The following WDFY4 variants were observed in gnomAD, a reference collection of about 807,000 sequenced individuals.
WDFY4 encodes WDFY family member 4.
WDFY4 carries 169 observed loss-of-function variants against 351.9 expected under a neutral mutation model. The ratio of observed to expected loss-of-function variants is 0.48; its 90% CI spans 0.42 to 0.55. The LOEUF (loss-of-function observed/expected upper bound fraction) is 0.55. Ranked by LOEUF, WDFY4 falls within the 20% of genes least tolerant of loss-of-function variation. The pLI is 0.00. For synonymous variants in WDFY4, 1,622 were observed against 1,574.6 expected (o/e 1.03, Z -0.71); for missense variants, 3,803 against 3,935.6 (o/e 0.97, Z 0.90).
chr10:48,803,576 C>T (rs2067154970), intron 25 of WDFY4, among the ~76,000 whole-genome samples: 1 of 152,146 alleles, frequency 6.6e-6, no homozygotes. Context: ...GCCTCTCTAG[C>T]CCCAGGGACT....
At chr10:48,857,549 G>T (rs1345290113) in intron 39 of WDFY4, among the ~76,000 whole-genome samples, 3 of 151,868 alleles carry the variant, frequency 2.0e-5, no homozygotes, top group African/African-American at 4.8e-5. Context: ...CCTCTGGAAA[G>T]GTCTCAGGAA....
chr10:48,927,351 A>T (rs1466353534), intron 47 of WDFY4, among the ~76,000 whole-genome samples: 2 of 152,110 alleles, frequency 1.3e-5, no homozygotes, highest in African/African-American at 2.4e-5. Context: ...TTGTGGTAGG[A>T]ATATCCCTCC....
intron 20 of WDFY4, among the ~76,000 whole-genome samples, chr10:48,787,739 A>T (rs571643770): frequency 6.6e-6 from 1 of 152,028 alleles, no homozygotes; most frequent in South Asian, 2.1e-4. Flanking sequence ...TTTCATGGTA[A>T]GACAAATCTT....
intron 39 of WDFY4, among the ~76,000 whole-genome samples, chr10:48,837,133 C>T (rs1363854803): frequency 6.6e-6 from 1 of 151,888 alleles, no homozygotes; most frequent in African/African-American, 2.4e-5. Context: ...GTGTCATCAT[C>T]TGTTTATATA....
intron 25 of WDFY4, among the ~76,000 whole-genome samples, chr10:48,804,994 G>C (rs2067204706): frequency 6.6e-6 from 1 of 151,754 alleles, no homozygotes; most frequent in Non-Finnish European, 1.5e-5. Flanking sequence ...CTGGGGCTCA[G>C]AATTTAAAAG....
At chr10:48,772,404 C>A (rs1415682315) in intron 13 of WDFY4, among the ~76,000 whole-genome samples, 2 of 150,764 alleles carry the variant, frequency 1.3e-5, no homozygotes, top group Non-Finnish European at 2.9e-5. Context: ...TGTATGGACG[C>A]GTGTGCGTGT....
chr10:48,766,935 G>A (rs1330691775), intron 13 of WDFY4, among the ~76,000 whole-genome samples: 1 of 152,218 alleles, frequency 6.6e-6, no homozygotes, highest in Non-Finnish European at 1.5e-5. Context: ...CCAAAGGAGA[G>A]CACTTGCTCT....
chr10:48,826,964 G>T, intron 36 of WDFY4, 55 bp downstream of exon 36: 1 of 1,428,204 alleles, frequency 7.0e-7, no homozygotes, highest in South Asian at 1.2e-5. Context: ...AGAAAGGAGA[G>T]ATTTAGAGGA....
chr10:48,856,684 G>A (rs1199268745), intron 39 of WDFY4, among the ~76,000 whole-genome samples: 3 of 152,162 alleles, frequency 2.0e-5, no homozygotes, highest in Non-Finnish European at 4.4e-5. Flanking sequence ...ACGTTAAAAT[G>A]TGTTGATCTA....
chr10:48,743,538 C>G lies in WDFY4; in HGVS notation c.2449C>G (p.Leu817Val), dbSNP rs1008002494. ...PQRNFKQWPDLEERMDEGDAA... is the reference protein window; with the variant it reads ...PQRNFKQWPDVEERMDEGDAA... ...ACGCAACTTCAAGCAGTGGCCAGAC[C>G]TGGAGGAGAGGTAGCTTCTTCTGCC... Residue 817 changes from leucine (L) to valine (V), a missense_variant, in exon 12 of 62, where the codon CTG becomes GTG. By Grantham distance (32) the Leu-to-Val change is conservative. Around this residue, in one of 3 missense-constraint regions of WDFY4, gnomAD observed 3,054 missense variants for 3,148.6 expected, o/e 0.97. Coordinates refer to ENST00000325239, the MANE Select transcript of WDFY4 (RefSeq NM_001394531.1). 9 of 1,532,750 alleles carry G rather than the reference C, an allele frequency of 5.9e-6. No individual in the cohort carries two copies. In the African/African-American group the frequency reaches 1.2e-4, roughly 21 times the overall value. 94.9% of individuals were successfully genotyped at this position (1,532,750 alleles called of 1,614,324 possible). A position where few individuals can be genotyped will look rare whatever the true frequency, so the allele number is the denominator to read the frequency against.
intron 60 of WDFY4, 25 bp downstream of exon 60, chr10:48,978,418 C>T (rs1310032432): frequency 6.5e-7 from 1 of 1,538,630 alleles, no homozygotes; most frequent in Non-Finnish European, 8.8e-7. Context: ...AGGGATGTGG[C>T]CGTCCTGGCC....
At chr10:48,731,764 C>A (rs568588708) in intron 9 of WDFY4, among the ~76,000 whole-genome samples, 86 of 152,322 alleles carry the variant, frequency 5.6e-4, no homozygotes, top group African/African-American at 1.9e-3. Flanking sequence ...GATGGGTGAA[C>A]CTGGGGCTAA....
intron 32 of WDFY4, among the ~76,000 whole-genome samples, chr10:48,818,884 G>A (rs2067712444): frequency 6.6e-6 from 1 of 152,216 alleles, no homozygotes; most frequent in Non-Finnish European, 1.5e-5. Context: ...ACAGCCAGAG[G>A]CGCAGGCAGC....
intron 35 of WDFY4, among the ~76,000 whole-genome samples, chr10:48,825,278 A>G (rs1020978189): frequency 2.6e-5 from 4 of 152,212 alleles, no homozygotes; most frequent in South Asian, 2.1e-4. Context: ...TGTCACTGCA[A>G]AGGACATGAT....
chr10:48,930,694 A>T (rs557578104), intron 47 of WDFY4, among the ~76,000 whole-genome samples: 1 of 152,368 alleles, frequency 6.6e-6, no homozygotes, highest in South Asian at 2.1e-4. Flanking sequence ...ATAGTAAAAA[A>T]AAATTAGAAA....
Position 48,817,385 on chromosome 10 carries a change from C to A in WDFY4, c.5481C>A (p.Ala1827=). The change falls in exon 32 of 62, where the codon GCC becomes GCA. Residue 1827 remains alanine, a synonymous_variant. Transcript: ENST00000325239. The part of the protein sequence containing the change: ...APEFLQTLAI[A]AFPLGAQKGV... ...AGTTCCTCCAGACCTTGGCCATAGC[C>A]GCCTTCCCCCTGGGAGCCCAAAAGG... The A allele has an allele frequency of 1.3e-6, 2 of 1,551,094 alleles. No homozygotes were observed. Among genetic ancestry groups the A allele is most frequent in the Non-Finnish European group, 1.7e-6 (2 of 1,146,542 alleles).
Position 48,969,170 on chromosome 10 carries a change from G to A in WDFY4, c.8691G>A (p.Leu2897=). 6.4e-7 allele frequency: 1 copy of A among 1,551,724 alleles called. No individual in the cohort carries two copies. Among genetic ancestry groups the A allele is most frequent in the Non-Finnish European group, 8.7e-7 (1 of 1,146,978 alleles). ...CTGTAGAGAGGAACAAAGTGCTGCT[G>A]CCTCCTCTCTGGAACAGGACCTTCA... The part of the protein sequence containing the change: ...ILAVERNKVL[L]PPLWNRTFSW... Residue 2897 remains leucine (L), a synonymous_variant, in exon 56 of 62, where the codon CTG becomes CTA. Coordinates refer to ENST00000325239, the MANE Select transcript of WDFY4 (RefSeq NM_001394531.1).
chr10:48,965,774 A>ATATCAGTTAGATATAGATTATGTCTG lies in WDFY4; in HGVS notation c.8437-731_8437-730insGTCTGTATCAGTTAGATATAGATTAT, dbSNP rs1842047665. On this transcript the variant is annotated intron_variant, in intron 54 of 61. Transcript: ENST00000325239. ...GGATATAGAGTTGAAACTTATATCT[A>ATATCAGTTAGATATAGATTATGTCTG]TATCAGTTAGATATAGATTATATCT... Among the ~76,000 whole-genome samples, 50 of 141,324 alleles carry ATATCAGTTAGATATAGATTATGTCTG rather than the reference A, an allele frequency of 3.5e-4. 2 individuals are homozygous for ATATCAGTTAGATATAGATTATGTCTG. Among genetic ancestry groups the ATATCAGTTAGATATAGATTATGTCTG allele is most frequent in the Admixed American group, 3.4e-3 (48 of 14,044 alleles). The allele number at this position is 141,324 out of a possible 152,430, so 92.7% of individuals were successfully genotyped here.
intron 47 of WDFY4, among the ~76,000 whole-genome samples, chr10:48,935,595 C>T (rs1203415502): frequency 6.6e-6 from 1 of 152,144 alleles, no homozygotes; most frequent in African/African-American, 2.4e-5. Flanking sequence ...TTTTTTTCTG[C>T]TCTTTGGTTT....
Sources: gnomAD v4.1 joint callset for allele counts (sites outside exome capture counted in the v4.1 genomes callset) on GRCh38, gnomAD v4.1.1 for gene constraint, gnomAD v4.1.1 regional missense constraint, MANE v1.5 for transcripts, NCBI Gene and HGNC (gene_info 2026-07-23, HGNC 2026-07-21) for gene names.